ERBIN: variants seen among roughly 807,000 people sequenced by gnomAD.
ERBIN encodes erbb2 interacting protein, also known as densin-180-like protein.
In ERBIN, 60 loss-of-function variants were observed where a neutral mutation model predicts 158.4. That is an observed-to-expected ratio of 0.38 (90% CI 0.31 to 0.47). The LOEUF (loss-of-function observed/expected upper bound fraction) is 0.47, where lower values mean the gene tolerates loss of function less well. Ranked by LOEUF, ERBIN falls within the 20% of genes least tolerant of loss-of-function variation. ERBIN has a pLI of 0.99. For missense variants in ERBIN, 1,610 were observed against 1,648.0 expected (o/e 0.98, Z 0.40); for synonymous variants, 594 against 557.2 (o/e 1.07, Z -0.93).
chr5:66,064,202 GGA>G (rs1760756427), intron 21 of ERBIN, among the ~76,000 whole-genome samples: 1 of 152,068 alleles, frequency 6.6e-6, no homozygotes, highest in Non-Finnish European at 1.5e-5. Context: ...TTGATAAATA[GGA>G]TTAAGATTAA....
At chr5:65,929,513 G>T (rs1052096568) in intron 1 of ERBIN, among the ~76,000 whole-genome samples, 1 of 151,812 alleles carries the variant, frequency 6.6e-6, no homozygotes, top group East Asian at 1.9e-4. Context: ...CTACTTGGCT[G>T]CTTGCATTTT....
intron 1 of ERBIN, among the ~76,000 whole-genome samples, chr5:65,959,281 G>A (rs1747651293): frequency 6.6e-6 from 1 of 151,278 alleles, no homozygotes; most frequent in African/African-American, 2.4e-5. Flanking sequence ...TATTCTGGCC[G>A]GTTTTATTTC....
intron 21 of ERBIN, among the ~76,000 whole-genome samples, chr5:66,062,118 G>A (rs1760455089): frequency 6.6e-6 from 1 of 150,438 alleles, no homozygotes; most frequent in Non-Finnish European, 1.5e-5. Flanking sequence ...TAGTTCTCCT[G>A]GATAATATCC....
chr5:66,081,282 T>C lies in ERBIN; in HGVS notation c.*2752T>C, dbSNP rs917140806. 6.6e-6 allele frequency: 1 copy of C among 152,032 alleles called. No homozygotes were observed. Among genetic ancestry groups the C allele is most frequent in the Admixed American group, 6.5e-5 (1 of 15,278 alleles). 9.4% of individuals were successfully genotyped at this position (152,032 alleles called of 1,614,324 possible). ...GGAATTATCACTTCATCTGAATCAA[T>C]GAAATTCTAAAATTCCCTACATATT... is the stretch of plus-strand genomic sequence containing the variant. On this transcript the variant is annotated 3_prime_UTR_variant, in exon 26 of 26. Transcript: ENST00000284037.
At position 66,076,319 on chromosome 5, in the gene ERBIN, C is replaced by A; in HGVS notation, c.3967C>A (p.Arg1323=). 6.2e-7 allele frequency: 1 copy of A among 1,610,252 alleles called. No individual in the cohort carries two copies. Among genetic ancestry groups the A allele is most frequent in the Non-Finnish European group, 8.5e-7 (1 of 1,178,736 alleles). Reference sequence around the variant, plus strand: ...CTTTATTTTCATATTAACTCAGATTCGAGTGAGGGTTGAAAAGGATCCAGA... The same window carrying A: ...CTTTATTTTCATATTAACTCAGATTAGAGTGAGGGTTGAAAAGGATCCAGA... ...QGHELAKQEI[R]VRVEKDPELG... is the part of the protein sequence containing the mutation. The change falls in exon 24 of 26, where the codon CGA becomes AGA. Residue 1323 remains arginine (R), a synonymous_variant. Transcript: ENST00000284037.
At chr5:65,991,621 C>T (rs1751879203) in intron 2 of ERBIN, among the ~76,000 whole-genome samples, 1 of 152,110 alleles carries the variant, frequency 6.6e-6, no homozygotes. Flanking sequence ...TTTATTTCTT[C>T]AAGTTAATTG....
rs1278374706 is a variant in ERBIN at position 66,082,154 on chromosome 5, G to T, written c.*3624G>T. ...AATCTGTGGTCAGCTATAACGTACA[G>T]TCCTAATATCCAACCACCTGAGAAG... On this transcript the variant is annotated 3_prime_UTR_variant, in exon 26 of 26. Coordinates refer to ENST00000284037, the MANE Select transcript of ERBIN (RefSeq NM_001253697.2). The T allele has an allele frequency of 6.6e-6, 1 of 152,110 alleles. No individual in the cohort carries two copies. Among genetic ancestry groups the T allele is most frequent in the African/African-American group, 2.4e-5 (1 of 41,420 alleles). The allele number at this position is 152,110 out of a possible 1,614,324, so 9.4% of individuals were successfully genotyped here. A position where few individuals can be genotyped will look rare whatever the true frequency, so the allele number is the denominator to read the frequency against.
chr5:66,072,139 T>C (rs891689785), intron 21 of ERBIN, 30 bp from the exon 22 acceptor site: 34 of 1,544,150 alleles, frequency 2.2e-5, no homozygotes, highest in African/African-American at 2.2e-4. Context: ...AAGAACATTA[T>C]TTGTTTACTT....
In ERBIN at chr5:66,054,310, C is replaced by A. The variant is rs1264683166; in HGVS notation, c.2992C>A (p.Pro998Thr). ...KDTLWHSKQN[P>T]QIDHASFPPQ... is the part of the protein sequence containing the mutation. ...CACTTTGTGGCACTCCAAACAAAAT[C>A]CCCAAATAGACCATGCCAGTTTTCC... Residue 998 changes from proline (P) to threonine (T), a missense_variant, in exon 21 of 26, where the codon CCC (proline) becomes ACC (threonine). Pro to Thr is a conservative substitution (Grantham distance 38). Coordinates refer to ENST00000284037, the MANE Select transcript of ERBIN (RefSeq NM_001253697.2). 6.2e-7 allele frequency: 1 copy of A among 1,614,000 alleles called. No homozygotes were observed. The highest frequency in any genetic ancestry group is 1.7e-5 in the Admixed American group (1 of 59,994).
At chr5:66,045,785 C>A (rs1206786543) in intron 17 of ERBIN, among the ~76,000 whole-genome samples, 1 of 152,102 alleles carries the variant, frequency 6.6e-6, no homozygotes, top group African/African-American at 2.4e-5. Context: ...ATAATGAATG[C>A]CAGAAAAATT....
intron 1 of ERBIN, among the ~76,000 whole-genome samples, chr5:65,972,665 A>G (rs1749398996): frequency 1.3e-5 from 2 of 151,430 alleles, no homozygotes; most frequent in Non-Finnish European, 2.9e-5. Context: ...GATGTTTGGG[A>G]TAGTTTTACA....
intron 1 of ERBIN, among the ~76,000 whole-genome samples, chr5:65,984,183 G>A (rs775080394): frequency 1.8e-4 from 27 of 152,142 alleles, no homozygotes; most frequent in Admixed American, 3.3e-4. Context: ...CCCTCAGTGA[G>A]GATCTTTGTG....
chr5:66,055,762 TA>T (rs1470162641), intron 21 of ERBIN, among the ~76,000 whole-genome samples: 3 of 152,174 alleles, frequency 2.0e-5, no homozygotes, highest in African/African-American at 7.2e-5. Context: ...AATGTGTTCT[TA>T]AAAACAGGTG....
intron 1 of ERBIN, among the ~76,000 whole-genome samples, chr5:65,963,378 A>G (rs1284270082): frequency 6.6e-6 from 1 of 152,130 alleles, no homozygotes; most frequent in African/African-American, 2.4e-5. Flanking sequence ...TTTACTTTTG[A>G]TCTTTAAAAA....
At chr5:65,971,327 C>T (rs1749220397) in intron 1 of ERBIN, among the ~76,000 whole-genome samples, 1 of 151,566 alleles carries the variant, frequency 6.6e-6, no homozygotes, top group South Asian at 2.1e-4. Flanking sequence ...CACAAAGTTC[C>T]CTTTTTAGAA....
At chr5:66,068,658 C>T (rs1561453297) in intron 21 of ERBIN, among the ~76,000 whole-genome samples, 1 of 152,156 alleles carries the variant, frequency 6.6e-6, no homozygotes. Context: ...TTTGCTTAAA[C>T]ATGTGAATGG....
chr5:65,946,654 G>T (rs999949281), intron 1 of ERBIN, among the ~76,000 whole-genome samples: 1 of 152,158 alleles, frequency 6.6e-6, no homozygotes, highest in East Asian at 1.9e-4. Flanking sequence ...AAGTATAAGA[G>T]TATGATTGCT....
At chr5:66,061,809 G>T (rs1223841608) in intron 21 of ERBIN, among the ~76,000 whole-genome samples, 1 of 151,398 alleles carries the variant, frequency 6.6e-6, no homozygotes, top group Non-Finnish European at 1.5e-5. Context: ...ATGAAGCTTA[G>T]TTTGGCTGGA....
chr5:66,069,274 T>G (rs536203621), intron 21 of ERBIN, among the ~76,000 whole-genome samples: 15 of 152,338 alleles, frequency 9.8e-5, no homozygotes, highest in Admixed American at 4.6e-4. Context: ...TAGGAATAAC[T>G]GAGAGATCTT....
Sources: allele counts gnomAD v4.1 joint callset (sites outside exome capture counted in the v4.1 genomes callset), GRCh38; gene constraint gnomAD v4.1.1; transcripts MANE v1.5; gene names NCBI Gene and HGNC (gene_info 2026-07-23, HGNC 2026-07-21).